The following SCP2 variants were observed in gnomAD, a reference collection of about 807,000 sequenced individuals.
SCP2 encodes SCP-2/3-oxoacyl-CoA thiolase.
A neutral mutation model predicts 71.4 loss-of-function variants in SCP2; 48 were observed. The ratio of observed to expected loss-of-function variants is 0.67; its 90% CI spans 0.53 to 0.86. The LOEUF is 0.86. SCP2 is among the 40% of genes least tolerant of loss of function. The probability of loss-of-function intolerance (pLI) is 0.00; values close to 1 mark genes in which losing one functional copy is unlikely to be tolerated. For missense variants in SCP2, 560 were observed against 655.6 expected, an observed-to-expected ratio of 0.85 and a Z score of 1.59; for synonymous variants, 220 against 218.1, an observed-to-expected ratio of 1.01 and a Z score of -0.08.
intron 1 of SCP2, among the ~76,000 whole-genome samples, chr1:52,928,290 G>C (rs1652725628): frequency 1.3e-5 from 2 of 152,234 alleles, no homozygotes; most frequent in African/African-American, 4.8e-5. Context: ...CCTCTAGACT[G>C]GGTACCTGGC....
chr1:52,948,011 A>C lies in SCP2; in HGVS notation c.130A>C (p.Lys44Gln), dbSNP rs747389312. The change falls in exon 3 of 16, where the codon AAG (lysine) becomes CAG (glutamine). Residue 44 changes from lysine to glutamine, a missense_variant and splice_region_variant. Transcript: ENST00000371514. Reference protein sequence around the residue: ...DYPDLAEEAGKKALADAQIPY... With the variant: ...DYPDLAEEAGQKALADAQIPY... The stretch of plus-strand genomic sequence containing the variant: ...ATAAAAACCTTTCGTTTTTATAGGC[A>C]AGAAGGCTTTAGCTGATGCACAGAT... 6.2e-7 allele frequency: 1 copy of C among 1,610,974 alleles called. No homozygotes were observed. The highest frequency in any genetic ancestry group is 8.5e-7 in the Non-Finnish European group (1 of 1,177,232).
intron 13 of SCP2, among the ~76,000 whole-genome samples, chr1:53,029,711 C>T (rs1572210557): frequency 2.0e-5 from 3 of 152,292 alleles, no homozygotes; most frequent in South Asian, 4.1e-4. Flanking sequence ...ACCCAGTATT[C>T]CCAGGACTTT....
intron 12 of SCP2, among the ~76,000 whole-genome samples, chr1:53,016,990 A>C (rs17107579): frequency 0.099 from 15,131 of 152,072 alleles, 1,466 homozygotes; most frequent in African/African-American, 0.22. Context: ...AGGAGAGGTC[A>C]CATTTAAGGG....
At chr1:52,959,026 A>C (rs977039204) in intron 5 of SCP2, among the ~76,000 whole-genome samples, 5 of 152,068 alleles carry the variant, frequency 3.3e-5, no homozygotes, top group African/African-American at 4.8e-5. Context: ...CACCCAGTCT[A>C]GTTTTAATAC....
At chr1:53,037,154 A>G (rs1308664775) in intron 13 of SCP2, among the ~76,000 whole-genome samples, 1 of 152,084 alleles carries the variant, frequency 6.6e-6, no homozygotes, top group Non-Finnish European at 1.5e-5. Flanking sequence ...AATAATAATA[A>G]TAAATGATGA....
chr1:53,047,974 G>C, intron 15 of SCP2, 37 bp downstream of exon 15: 1 of 1,420,528 alleles, frequency 7.0e-7, no homozygotes, highest in Middle Eastern at 1.8e-4. Context: ...CTAGTAGGTA[G>C]GTCTTTCAGC....
intron 10 of SCP2, among the ~76,000 whole-genome samples, chr1:52,987,527 G>A (rs1659107036): frequency 6.6e-6 from 1 of 152,152 alleles, no homozygotes; most frequent in Non-Finnish European, 1.5e-5. Flanking sequence ...AGCATGTGAA[G>A]TAATTTTTTC....
At chr1:52,961,453 G>T in intron 5 of SCP2, 50 bp from the exon 6 acceptor site, 1 of 1,600,580 alleles carries the variant, frequency 6.2e-7, no homozygotes, top group South Asian at 1.1e-5. Flanking sequence ...AGTTTTGAAA[G>T]AGACACTTAT....
At chr1:52,937,426 G>A (rs1572046958) in intron 1 of SCP2, among the ~76,000 whole-genome samples, 2 of 152,042 alleles carry the variant, frequency 1.3e-5, no homozygotes, top group Non-Finnish European at 2.9e-5. Context: ...ACCTCAGAAG[G>A]CCCTCTTGTG....
chr1:52,994,896 C>A, intron 11 of SCP2: 1 of 512,134 alleles, frequency 2.0e-6, no homozygotes, highest in Non-Finnish European at 3.9e-6. Context: ...CCATAGATGG[C>A]AAATATGTTC....
At chr1:52,990,427 A>C (rs908069418) in intron 11 of SCP2, among the ~76,000 whole-genome samples, 2 of 152,170 alleles carry the variant, frequency 1.3e-5, no homozygotes, top group East Asian at 1.9e-4. Context: ...GAAACCATAT[A>C]TAAAGAACTA....
chr1:53,012,884 T>A (rs557813894), intron 11 of SCP2, among the ~76,000 whole-genome samples: 2 of 152,360 alleles, frequency 1.3e-5, no homozygotes, highest in African/African-American at 4.8e-5. Flanking sequence ...CAAATAGTTG[T>A]AAATTGCATC....
At chr1:53,005,306 A>G (rs1660562909) in intron 11 of SCP2, among the ~76,000 whole-genome samples, 1 of 152,192 alleles carries the variant, frequency 6.6e-6, no homozygotes, top group South Asian at 2.1e-4. Context: ...TTGAGATCTG[A>G]GAATGAACAG....
At chr1:53,012,943 A>G (rs989083536) in intron 11 of SCP2, among the ~76,000 whole-genome samples, 2 of 152,008 alleles carry the variant, frequency 1.3e-5, no homozygotes, top group African/African-American at 4.8e-5. Flanking sequence ...CAGTTTGAAT[A>G]TTTTTTGTCT....
At chr1:53,042,572 A>G (rs775686436) in intron 14 of SCP2, among the ~76,000 whole-genome samples, 3 of 152,206 alleles carry the variant, frequency 2.0e-5, no homozygotes, top group African/African-American at 4.8e-5. Context: ...ATTGGCAGCC[A>G]AGAGTGGTGT....
At chr1:53,030,611 G>A in intron 13 of SCP2, among the ~76,000 whole-genome samples, 1 of 151,854 alleles carries the variant, frequency 6.6e-6, no homozygotes. Flanking sequence ...AAATCTCTGG[G>A]CTGGGCACAG....
chr1:53,016,571 A>G (rs1349068388), intron 12 of SCP2, among the ~76,000 whole-genome samples: 1 of 152,172 alleles, frequency 6.6e-6, no homozygotes, highest in South Asian at 2.1e-4. Flanking sequence ...AAGAAAGTAA[A>G]TTTGAACTGA....
At chr1:52,936,939 C>T (rs1653797386) in intron 1 of SCP2, among the ~76,000 whole-genome samples, 1 of 151,100 alleles carries the variant, frequency 6.6e-6, no homozygotes, top group Non-Finnish European at 1.5e-5. Flanking sequence ...ATGCATTTAA[C>T]TCTAGAAAAA....
intron 13 of SCP2, among the ~76,000 whole-genome samples, chr1:53,032,057 C>T (rs1313055705): frequency 2.6e-5 from 4 of 152,228 alleles, no homozygotes; most frequent in Admixed American, 2.6e-4. Context: ...ACACTATTAA[C>T]CCCCTCTCCT....
Sources: allele counts gnomAD v4.1 joint callset (sites outside exome capture counted in the v4.1 genomes callset), GRCh38; gene constraint gnomAD v4.1.1; transcripts MANE v1.5; gene names NCBI Gene and HGNC (gene_info 2026-07-23, HGNC 2026-07-21).